OR13A1: variants seen among roughly 807,000 people sequenced by gnomAD.
The protein encoded by OR13A1 is olfactory receptor 13A1.
Under a neutral mutation model 7.5 loss-of-function variants are expected in OR13A1, and 10 were observed. That is an observed-to-expected ratio of 1.34 (90% CI 0.83 to 2.27). OR13A1 has a LOEUF of 2.27. Among genes scored for constraint, OR13A1 ranks in the 30% most tolerant of loss-of-function variants. OR13A1 has a pLI of 0.00. For missense variants in OR13A1, 509 were observed against 419.1 expected, an observed-to-expected ratio of 1.21 and a Z score of -1.87; for synonymous variants, 238 against 177.9, an observed-to-expected ratio of 1.34 and a Z score of -2.69.
chr10:45,310,062 CAA>C (rs1302593193), intron 1 of OR13A1, among the ~76,000 whole-genome samples: 1 of 151,960 alleles, frequency 6.6e-6, no homozygotes, highest in Non-Finnish European at 1.5e-5. Context: ...ATAATTATTC[CAA>C]AAAATTCTGC....
Position 45,303,584 on chromosome 10 carries a change from G to A in OR13A1, c.839C>T (p.Pro280Leu), listed in dbSNP as rs758330747. The stretch of plus-strand genomic sequence containing the variant: ...CTTCCCTGCGCTGTAGCCAGAGACC[G>A]GGCTTATGTAGGCGTAGAAGACAGC... ...YTAVFYAYIS[P>L]VSGYSAGKSK... Residue 280 changes from proline (P) to leucine (L), a missense_variant, in exon 4 of 4, where the codon CCG becomes CTG. By Grantham distance (98) the Pro-to-Leu change is moderately conservative. Coordinates refer to ENST00000553795, the MANE Select transcript of OR13A1 (RefSeq NM_001004297.3). 6 of 1,614,002 alleles carry A rather than the reference G, an allele frequency of 3.7e-6. No homozygotes were observed. The highest frequency in any genetic ancestry group is 2.2e-5 in the South Asian group (2 of 91,086).
intron 1 of OR13A1, among the ~76,000 whole-genome samples, chr10:45,308,047 T>C (rs1838370218): frequency 6.6e-6 from 1 of 152,252 alleles, no homozygotes; most frequent in Non-Finnish European, 1.5e-5. Flanking sequence ...AGAACTTGAC[T>C]CATTTCATTA....
chr10:45,315,604 A>G lies in OR13A1; in HGVS notation c.-305T>C, dbSNP rs577097165. 4 of 152,272 alleles carry G rather than the reference A, an allele frequency of 2.6e-5. No individual in the cohort carries two copies. In the East Asian group the frequency reaches 7.7e-4, roughly 29 times the overall value. 9.4% of individuals were successfully genotyped at this position (152,272 alleles called of 1,614,324 possible). A position where few individuals can be genotyped will look rare whatever the true frequency, so the allele number is the denominator to read the frequency against. ...CTCTGTCTCTTCGCTTCTATTCAATATAGTATTTGAATTTCCAAGCAGACC... is the reference window on the plus strand; with the variant it reads ...CTCTGTCTCTTCGCTTCTATTCAATGTAGTATTTGAATTTCCAAGCAGACC... On this transcript the variant is annotated 5_prime_UTR_variant, in exon 1 of 4. Transcript: ENST00000553795.
At chr10:45,306,908 C>T (rs17157680) in intron 3 of OR13A1, among the ~76,000 whole-genome samples, 14,938 of 152,214 alleles carry the variant, frequency 0.098, 2,467 homozygotes, top group African/African-American at 0.34. Context: ...TAATTACTTT[C>T]GCTGAGTTTG....
At position 45,310,079 on chromosome 10, in the gene OR13A1, G is replaced by A. The variant is rs553992829; in HGVS notation, c.-224-2271C>T. Reference sequence around the variant, plus strand: ...AATTATTCCAAAAAATTCTGCCTTGGCAGTATTAAGCCCAAGCAGATTACC... The same window carrying A: ...AATTATTCCAAAAAATTCTGCCTTGACAGTATTAAGCCCAAGCAGATTACC... On this transcript the variant is annotated intron_variant, in intron 1 of 3. Transcript: ENST00000553795. 2.0e-5 allele frequency among the ~76,000 whole-genome samples: 3 copies of A among 152,226 alleles called. No individual in the cohort carries two copies. The East Asian group carries it at 5.8e-4, about 29-fold the overall frequency.
chr10:45,305,534 G>A (rs1393414518), intron 3 of OR13A1, among the ~76,000 whole-genome samples: 1 of 152,206 alleles, frequency 6.6e-6, no homozygotes, highest in African/African-American at 2.4e-5. Flanking sequence ...AAAGGCAGAT[G>A]TATCACACAG....
chr10:45,310,752 G>GA (rs1157067059), intron 1 of OR13A1, among the ~76,000 whole-genome samples: 1 of 151,764 alleles, frequency 6.6e-6, no homozygotes, highest in Non-Finnish European at 1.5e-5. Context: ...ATTCGAGGAA[G>GA]AAAAAAAGGA....
chr10:45,315,191 G>A (rs772315978), intron 1 of OR13A1, among the ~76,000 whole-genome samples: 9 of 152,096 alleles, frequency 5.9e-5, no homozygotes, highest in Non-Finnish European at 1.2e-4. Flanking sequence ...GCTCATGCCT[G>A]TAATCCCAGC....
rs982440159 is a variant in OR13A1 at position 45,302,927 on chromosome 10, G to T, written c.*509C>A. 1 of 153,026 alleles carries T rather than the reference G, an allele frequency of 6.5e-6. No individual in the cohort carries two copies. The highest frequency in any genetic ancestry group is 1.5e-5 in the Non-Finnish European group (1 of 68,674). 9.5% of individuals were successfully genotyped at this position (153,026 alleles called of 1,614,324 possible). On this transcript the variant is annotated 3_prime_UTR_variant, in exon 4 of 4. Coordinates refer to ENST00000553795, the MANE Select transcript of OR13A1 (RefSeq NM_001004297.3). ...TTTTGAAGTCCAAGTGGCTCCAGAG[G>T]AAACAGTTGAGGTAAGATAATGGGG... is the stretch of plus-strand genomic sequence containing the variant.
chr10:45,311,785 T>C (rs935743436), intron 1 of OR13A1, among the ~76,000 whole-genome samples: 1 of 151,940 alleles, frequency 6.6e-6, no homozygotes, highest in Non-Finnish European at 1.5e-5. Context: ...GTGACACGAG[T>C]TTACCTACAT....
At chr10:45,309,047 T>G (rs1300716626) in intron 1 of OR13A1, among the ~76,000 whole-genome samples, 1 of 152,166 alleles carries the variant, frequency 6.6e-6, no homozygotes, top group East Asian at 1.9e-4. Flanking sequence ...TCATTGGGGT[T>G]CACAGAAAGG....
intron 3 of OR13A1, among the ~76,000 whole-genome samples, chr10:45,305,181 C>G (rs1838302572): frequency 6.6e-6 from 1 of 151,792 alleles, no homozygotes; most frequent in Admixed American, 6.6e-5. Context: ...TTTCGGTGAG[C>G]TGAGACCACG....
chr10:45,306,934 GAA>G (rs1276957430), intron 3 of OR13A1, among the ~76,000 whole-genome samples: 1 of 152,220 alleles, frequency 6.6e-6, no homozygotes, highest in Non-Finnish European at 1.5e-5. Flanking sequence ...TGGATCTGAA[GAA>G]ATAACTGTAA....
chr10:45,305,573 C>A (rs951779791), intron 3 of OR13A1, among the ~76,000 whole-genome samples: 3 of 152,192 alleles, frequency 2.0e-5, no homozygotes, highest in Non-Finnish European at 4.4e-5. Flanking sequence ...TCTTCCATGG[C>A]TTCCCATTGC....
At chr10:45,312,467 CTG>C (rs1838462509) in intron 1 of OR13A1, among the ~76,000 whole-genome samples, 1 of 151,808 alleles carries the variant, frequency 6.6e-6, no homozygotes, top group Non-Finnish European at 1.5e-5. Context: ...AAGAAAAAAA[CTG>C]TCAATGTAGA....
chr10:45,306,672 A>G (rs1838337083), intron 3 of OR13A1, among the ~76,000 whole-genome samples: 1 of 152,222 alleles, frequency 6.6e-6, no homozygotes, highest in Non-Finnish European at 1.5e-5. Flanking sequence ...TCACCTTTTA[A>G]TAAGGTAAAA....
Position 45,303,918 on chromosome 10 carries a change from G to C in OR13A1, c.505C>G (p.Leu169Val), listed in dbSNP as rs756528308. The change falls in exon 4 of 4, where the codon CTC (leucine) becomes GTC (valine). Residue 169 changes from leucine to valine, a missense_variant. Coordinates refer to ENST00000553795, the MANE Select transcript of OR13A1 (RefSeq NM_001004297.3). ...TGGATGGCCGTGTTGACGGCGCAGA[G>C]CAGCCACACGGCTGTGGCCAGCCCG... is the stretch of plus-strand genomic sequence containing the variant. ...CSGLATAVWLLCAVNTAIHTG... is the reference protein window; with the variant it reads ...CSGLATAVWLVCAVNTAIHTG... 6.1e-5 allele frequency: 98 copies of C among 1,613,282 alleles called. No homozygotes were observed. Among genetic ancestry groups the C allele is most frequent in the Non-Finnish European group, 7.1e-5 (84 of 1,180,012 alleles).
At chr10:45,311,984 C>T (rs1838455557) in intron 1 of OR13A1, among the ~76,000 whole-genome samples, 1 of 151,978 alleles carries the variant, frequency 6.6e-6, no homozygotes, top group Non-Finnish European at 1.5e-5. Context: ...ATTAATAATA[C>T]ATTGGATGAG....
rs1838507081 is a variant in OR13A1 at position 45,315,506 on chromosome 10, A to T, written c.-225+18T>A. The T allele has an allele frequency of 6.6e-6, 1 of 152,126 alleles. No individual in the cohort carries two copies. Among genetic ancestry groups the T allele is most frequent in the East Asian group, 1.9e-4 (1 of 5,192 alleles). The allele number at this position is 152,126 out of a possible 1,614,324, so 9.4% of individuals were successfully genotyped here. ...ACATAATAAAGGCCATATATGAAAA[A>T]TCCACAGGTAAACTTACACTCAATG... is the stretch of plus-strand genomic sequence containing the variant. On this transcript the variant is annotated intron_variant, in intron 1 of 3. Coordinates refer to ENST00000553795, the MANE Select transcript of OR13A1 (RefSeq NM_001004297.3).
Sources: allele counts gnomAD v4.1 joint callset (sites outside exome capture counted in the v4.1 genomes callset), GRCh38; gene constraint gnomAD v4.1.1; transcripts MANE v1.5; gene names NCBI Gene and HGNC (gene_info 2026-07-23, HGNC 2026-07-21).